Variants in RPS6KA2 observed in about 807,000 individuals in gnomAD.
The protein encoded by RPS6KA2 is ribosomal protein S6 kinase alpha-2.
In RPS6KA2, 42 loss-of-function variants were observed where a neutral mutation model predicts 91.8. The ratio of observed to expected loss-of-function variants is 0.46; its 90% CI spans 0.36 to 0.59. RPS6KA2 has a LOEUF of 0.59. Among genes scored for constraint, RPS6KA2 ranks in the 20% least tolerant of loss-of-function variants. The pLI is 0.00. For missense variants in RPS6KA2, 798 were observed against 978.5 expected, an observed-to-expected ratio of 0.82 and a Z score of 2.46; for synonymous variants, 414 against 393.6, an observed-to-expected ratio of 1.05 and a Z score of -0.61.
rs552615694 is a variant in RPS6KA2, at chr6:166,837,948, CAG to C, written c.123+20250_123+20251del. Among the ~76,000 whole-genome samples the C allele has an allele frequency of 1.1e-4, 16 of 152,338 alleles. No homozygotes were observed. In the South Asian group the frequency reaches 2.5e-3, roughly 24 times the overall value. ...GCACATGGAAATGGAAATTAAGAAA[CAG>C]AAGTTTTTCTGGTTCAAAATGAGCT... On this transcript the variant is annotated intron_variant, in intron 2 of 21. Transcript: ENST00000503859.
In RPS6KA2 at chr6:166,488,846, G is replaced by C. The variant is rs1583198413; in HGVS notation, c.894C>G (p.Pro298=). 6.2e-7 allele frequency: 1 copy of C among 1,613,056 alleles called. No individual in the cohort carries two copies. The highest frequency in any genetic ancestry group is 1.7e-5 in the Admixed American group (1 of 59,990). Residue 298 remains proline (P), a synonymous_variant, in exon 10 of 21, where the codon CCC becomes CCG. Coordinates refer to ENST00000265678, the MANE Select transcript of RPS6KA2 (RefSeq NM_021135.6). The part of the protein sequence containing the change: ...SLLRALFKRN[P]CNRLGAGIDG... ...GGGGAATCTTACCCAGCCGGTTGCA[G>C]GGGTTCCGTTTGAAGAGAGCTCGCA...
intron 1 of RPS6KA2, among the ~76,000 whole-genome samples, chr6:166,544,983 A>G (rs916706860): frequency 6.6e-6 from 1 of 152,226 alleles, no homozygotes; most frequent in Non-Finnish European, 1.5e-5. Flanking sequence ...TGAAACAAAG[A>G]TGGCTTAATT....
rs1167037154 is a variant in RPS6KA2 at position 166,626,714 on chromosome 6, GA to G, written c.99+206del. Among the ~76,000 whole-genome samples, 4 of 152,232 alleles carry G rather than the reference GA, an allele frequency of 2.6e-5. No individual in the cohort carries two copies. The highest frequency in any genetic ancestry group is 4.4e-5 in the Non-Finnish European group (3 of 68,030). ...GCAGTGGGGGTGGAGTTGCCCCCGC[GA>G]GGACCCACGGACCGCCCAATTACTA... is the stretch of plus-strand genomic sequence containing the variant. On this transcript the variant is annotated intron_variant, in intron 1 of 20. Transcript: ENST00000265678. The surrounding 1 kb of genome is among the most constrained non-coding windows in gnomAD (Gnocchi z 4.1).
intron 2 of RPS6KA2, among the ~76,000 whole-genome samples, chr6:166,739,721 G>A (rs752697267): frequency 1.2e-4 from 19 of 152,234 alleles, no homozygotes; most frequent in South Asian, 2.1e-4. Context: ...AAAAGACTCC[G>A]GTGATGGGAG....
intron 2 of RPS6KA2, among the ~76,000 whole-genome samples, chr6:166,806,976 GTC>G (rs1779508285): frequency 6.6e-6 from 1 of 152,122 alleles, no homozygotes; most frequent in African/African-American, 2.4e-5. Flanking sequence ...GTTAAATTTA[GTC>G]TCTGTGTTAA....
At chr6:166,450,978 G>A (rs1451831163) in intron 13 of RPS6KA2, 125 bp downstream of exon 13, 1 of 1,113,174 alleles carries the variant, frequency 9.0e-7, no homozygotes, top group East Asian at 2.4e-5. Flanking sequence ...GGGAAGAATT[G>A]GTGATTAAAG....
intron 12 of RPS6KA2, among the ~76,000 whole-genome samples, chr6:166,451,546 T>C (rs1011744007): frequency 2.0e-5 from 3 of 152,200 alleles, no homozygotes; most frequent in African/African-American, 7.2e-5. Flanking sequence ...GAATTTACTC[T>C]ATATTCTTGA....
intron 2 of RPS6KA2, among the ~76,000 whole-genome samples, chr6:166,832,491 T>C (rs1780213538): frequency 6.6e-6 from 1 of 152,168 alleles, no homozygotes; most frequent in East Asian, 1.9e-4. Flanking sequence ...GAGACAAAAA[T>C]GCAATACACT....
intron 2 of RPS6KA2, among the ~76,000 whole-genome samples, chr6:166,782,582 G>A (rs1289253462): frequency 3.9e-5 from 6 of 152,130 alleles, no homozygotes; most frequent in Non-Finnish European, 8.8e-5. Flanking sequence ...ACTCGATCCC[G>A]AGGCCCGGAT....
At chr6:166,427,217 TAGATGC>T (rs1392168287) in intron 16 of RPS6KA2, among the ~76,000 whole-genome samples, 1 of 148,366 alleles carries the variant, frequency 6.7e-6, no homozygotes, top group Non-Finnish European at 1.5e-5. Flanking sequence ...ATTATCTCAA[TAGATGC>T]AGAAAAGGCC....
At chr6:166,812,582 G>A (rs1009755327) in intron 2 of RPS6KA2, among the ~76,000 whole-genome samples, 4 of 152,100 alleles carry the variant, frequency 2.6e-5, no homozygotes, top group African/African-American at 9.7e-5. Flanking sequence ...CTCCACATGG[G>A]GTCTGTGTTG....
intron 2 of RPS6KA2, among the ~76,000 whole-genome samples, chr6:166,699,190 T>C (rs1373899004): frequency 1.3e-5 from 2 of 152,156 alleles, no homozygotes; most frequent in East Asian, 3.9e-4. Flanking sequence ...ATAGAAAGGC[T>C]GTGGTCAGAA....
intron 1 of RPS6KA2, among the ~76,000 whole-genome samples, chr6:166,578,198 T>C (rs1784897579): frequency 6.6e-6 from 1 of 152,232 alleles, no homozygotes; most frequent in Admixed American, 6.5e-5. Context: ...CCAGGTTTCC[T>C]GACCCTCAAG....
Position 166,433,218 on chromosome 6 carries a change from G to C in RPS6KA2, c.1333-728C>G, listed in dbSNP as rs1456624079. Among the ~76,000 whole-genome samples the C allele has an allele frequency of 1.3e-5, 2 of 152,144 alleles. No individual in the cohort carries two copies. The highest frequency in any genetic ancestry group is 6.5e-5 in the Admixed American group (1 of 15,270). On this transcript the variant is annotated intron_variant, in intron 14 of 20. Transcript: ENST00000265678. The surrounding 1 kb of genome is among the most constrained non-coding windows in gnomAD (Gnocchi z 4.4). Reference sequence around the variant, plus strand: ...GCCACAAAATGAGGTGAGGCGCATGGCTCTCACCAAGAGATGCTGGGGATG... The same window carrying C: ...GCCACAAAATGAGGTGAGGCGCATGCCTCTCACCAAGAGATGCTGGGGATG...
At chr6:166,594,344 A>G (rs948527825) in intron 1 of RPS6KA2, among the ~76,000 whole-genome samples, 10 of 152,214 alleles carry the variant, frequency 6.6e-5, no homozygotes, top group African/African-American at 2.2e-4. Context: ...TTAAAAATTT[A>G]TTTCCCTCAT....
At chr6:166,561,535 C>A (rs961175631) in intron 1 of RPS6KA2, among the ~76,000 whole-genome samples, 1 of 151,890 alleles carries the variant, frequency 6.6e-6, no homozygotes, top group African/African-American at 2.4e-5. Flanking sequence ...GAGTCACCCT[C>A]GACTCTCTCA....
intron 1 of RPS6KA2, among the ~76,000 whole-genome samples, chr6:166,551,626 C>G (rs1305838540): frequency 6.6e-6 from 1 of 152,148 alleles, no homozygotes; most frequent in Non-Finnish European, 1.5e-5. Flanking sequence ...AAATAGCCAT[C>G]CTTCTTTCTT....
chr6:166,735,616 C>T (rs1295318875), intron 2 of RPS6KA2, among the ~76,000 whole-genome samples: 11 of 152,126 alleles, frequency 7.2e-5, no homozygotes, highest in Non-Finnish European at 1.3e-4. Context: ...GACAGATCAT[C>T]GGGCATTAGA....
chr6:166,483,655 T>G (rs757883541), intron 10 of RPS6KA2, among the ~76,000 whole-genome samples: 1 of 152,154 alleles, frequency 6.6e-6, no homozygotes. Context: ...TCATACATGG[T>G]CTTCTCAGAA....
Sources: gnomAD v4.1 joint callset for allele counts (sites outside exome capture counted in the v4.1 genomes callset) on GRCh38, gnomAD v4.1.1 for gene constraint, Gnocchi (gnomAD v3.1) non-coding constraint, MANE v1.5 for transcripts, NCBI Gene and HGNC (gene_info 2026-07-23, HGNC 2026-07-21) for gene names.